The following KAZN variants were observed in gnomAD, a reference collection of about 807,000 sequenced individuals.
KAZN encodes the protein kazrin.
A neutral mutation model predicts 87.4 loss-of-function variants in KAZN; 40 were observed. The observed-to-expected ratio is 0.46, with a 90% confidence interval of 0.36 to 0.60. The LOEUF (loss-of-function observed/expected upper bound fraction) is 0.60, where lower values mean the gene tolerates loss of function less well. Ranked by LOEUF, KAZN falls within the 20% of genes least tolerant of loss-of-function variation. The pLI, the probability that KAZN is intolerant of heterozygous loss-of-function variation, is 0.00. For synonymous variants in KAZN, 466 were observed against 458.3 expected (o/e 1.02, Z -0.22); for missense variants, 898 against 1,073.9 (o/e 0.84, Z 2.29).
At position 15,104,024 on chromosome 1, in the gene KAZN, A is replaced by G; in HGVS notation, c.1883A>G (p.Glu628Gly). The part of the protein sequence containing the change: ...LKWVRDIDLK[E>G]YADNLTNSGV... Reference sequence around the variant, plus strand: ...CAAGTCCCCTGCCTTTGCCCCCAGGAGTACGCAGACAACCTGACCAACAGC... The same window carrying G: ...CAAGTCCCCTGCCTTTGCCCCCAGGGGTACGCAGACAACCTGACCAACAGC... The change falls in exon 13 of 15, where the codon GAG becomes GGG. Residue 628 changes from glutamate to glycine, a missense_variant and splice_region_variant. Transcript: ENST00000376030. The G allele has an allele frequency of 6.2e-7, 1 of 1,613,404 alleles. No individual in the cohort carries two copies. The highest frequency in any genetic ancestry group is 8.5e-7 in the Non-Finnish European group (1 of 1,179,662).
intron 2 of KAZN, among the ~76,000 whole-genome samples, chr1:14,343,201 C>T (rs1657869527): frequency 1.3e-5 from 2 of 152,106 alleles, no homozygotes; most frequent in African/African-American, 4.8e-5. Context: ...TGGCACATTT[C>T]ACATCCCACC....
chr1:14,359,253 TTTC>T (rs1659301437), intron 2 of KAZN, among the ~76,000 whole-genome samples: 1 of 152,096 alleles, frequency 6.6e-6, no homozygotes, highest in Non-Finnish European at 1.5e-5. Flanking sequence ...CTGCTTTTTT[TTTC>T]TTTTTTTTTC....
exon 1 of KAZN, chr1:13,892,929 G>C (rs930778076): frequency 6.6e-6 from 1 of 152,240 alleles, no homozygotes; most frequent in Non-Finnish European, 1.5e-5. Flanking sequence ...GCCACGCGAG[G>C]AGTGGGGAGC....
chr1:14,929,683 A>G, intron 1 of KAZN: 1 of 810,486 alleles, frequency 1.2e-6, no homozygotes, highest in Non-Finnish European at 1.5e-6. Context: ...TAAGGGCTGT[A>G]AACACTCCAG....
chr1:13,915,974 G>A lies in KAZN; in HGVS notation c.91+22218G>A, dbSNP rs553835808. Among the ~76,000 whole-genome samples the A allele has an allele frequency of 1.0e-3, 155 of 152,250 alleles. 3 individuals are homozygous for A. In the South Asian group the frequency reaches 0.019, roughly 19 times the overall value. On this transcript the variant is annotated intron_variant, in intron 1 of 16. Coordinates refer to the KAZN transcript ENST00000636203. ...GATCCAGGCTTTGAAAAAGACTGGT[G>A]TTAGGGAAGCATTGGTGGAAGCTGT...
chr1:14,745,464 A>C (rs549122005), intron 1 of KAZN, among the ~76,000 whole-genome samples: 69 of 152,244 alleles, frequency 4.5e-4, no homozygotes, highest in African/African-American at 1.6e-3. Context: ...AATGGGGGGA[A>C]GTGATTGCTG....
intron 2 of KAZN, among the ~76,000 whole-genome samples, chr1:14,375,140 G>C (rs1409064212): frequency 1.3e-5 from 2 of 152,092 alleles, no homozygotes; most frequent in Non-Finnish European, 2.9e-5. Context: ...TTGTATTTTA[G>C]CGTCTATTAA....
intron 1 of KAZN, among the ~76,000 whole-genome samples, chr1:14,695,508 A>ATTTTTTTTTTTTTTTTTTTTTTTTTTT (rs1230082930): frequency 1.2e-3 from 82 of 67,698 alleles, no homozygotes; most frequent in South Asian, 3.7e-3. Context: ...ACTACATTCC[A>ATTTTTTTTTTTTTTTTTTTTTTTTTTT]TCTTTTTTTT....
At chr1:14,922,503 A>G (rs111808439) in intron 1 of KAZN, among the ~76,000 whole-genome samples, 2,949 of 152,272 alleles carry the variant, frequency 0.019, 34 homozygotes, top group Non-Finnish European at 0.031. Context: ...AGCACCCAGC[A>G]CTTCCCATGC....
At chr1:15,013,881 G>A (rs1028376608) in intron 2 of KAZN, among the ~76,000 whole-genome samples, 2 of 152,124 alleles carry the variant, frequency 1.3e-5, no homozygotes, top group African/African-American at 4.8e-5. Context: ...TGGGGCAGGG[G>A]CATTTCAGGC....
chr1:14,040,772 T>TTAAAA (rs1335669518), intron 1 of KAZN, among the ~76,000 whole-genome samples: 7 of 147,388 alleles, frequency 4.7e-5, no homozygotes, highest in South Asian at 2.1e-4. Flanking sequence ...CTCAAAAAAA[T>TTAAAA]TAAAATAAAA....
In KAZN at chr1:14,599,042, G is replaced by C; in HGVS notation, c.45G>C (p.Ala15=). ...NKQLALRIDG[A]VQSASQEVTN... Reference sequence around the variant, plus strand: ...AGCTCGCGCTCCGCATCGATGGGGCGGTCCAGTCGGCCAGCCAGGAGGTGA... The same window carrying C: ...AGCTCGCGCTCCGCATCGATGGGGCCGTCCAGTCGGCCAGCCAGGAGGTGA... Residue 15 remains alanine, a synonymous_variant, in exon 1 of 15, where the codon GCG becomes GCC. Coordinates refer to ENST00000376030, the MANE Select transcript of KAZN (RefSeq NM_201628.3). The surrounding 1 kb of genome is among the most constrained non-coding windows in gnomAD (Gnocchi z 4.4). The C allele has an allele frequency of 6.4e-7, 1 of 1,568,316 alleles. No homozygotes were observed. Among genetic ancestry groups the C allele is most frequent in the Non-Finnish European group, 8.6e-7 (1 of 1,161,454 alleles).
intron 2 of KAZN, among the ~76,000 whole-genome samples, chr1:14,225,632 G>A (rs1288873152): frequency 6.6e-6 from 1 of 152,048 alleles, no homozygotes; most frequent in East Asian, 1.9e-4. Context: ...TATATTACAG[G>A]GTATAGTAAC....
chr1:15,042,704 C>T (rs945286136), intron 3 of KAZN, among the ~76,000 whole-genome samples: 3 of 152,216 alleles, frequency 2.0e-5, no homozygotes, highest in African/African-American at 7.2e-5. Flanking sequence ...AAGGCCATAG[C>T]TACAGCTCTG....
chr1:15,046,383 C>T (rs761686620), intron 4 of KAZN, among the ~76,000 whole-genome samples: 1 of 151,796 alleles, frequency 6.6e-6, no homozygotes, highest in African/African-American at 2.4e-5. Context: ...GGTCTTCATC[C>T]TCGTTGTCTT....
At chr1:14,294,454 A>G (rs1028440053) in intron 2 of KAZN, among the ~76,000 whole-genome samples, 3 of 152,002 alleles carry the variant, frequency 2.0e-5, no homozygotes, top group African/African-American at 7.2e-5. Flanking sequence ...AGCTCTGCAG[A>G]TGAAGCCCAT....
At chr1:14,523,283 C>A (rs370047372) in intron 2 of KAZN, among the ~76,000 whole-genome samples, 1 of 152,196 alleles carries the variant, frequency 6.6e-6, no homozygotes, top group Non-Finnish European at 1.5e-5. Context: ...AAGATTCTCT[C>A]GCTCTTCATG....
Position 14,392,540 on chromosome 1 carries a change from TC to T in KAZN, c.250-206439del, listed in dbSNP as rs144898363. Among the ~76,000 whole-genome samples, 448 of 152,186 alleles carry T rather than the reference TC, an allele frequency of 2.9e-3. 1 individual carries two copies. The highest frequency in any genetic ancestry group is 9.8e-3 in the African/African-American group (407 of 41,530). On this transcript the variant is annotated intron_variant, in intron 2 of 16. Coordinates refer to the KAZN transcript ENST00000636203. ...TAGCCTGGCAGGGTGTCTCTGCCCT[TC>T]CCCAAGCTTCCATCTGGCCATGATT...
chr1:14,074,110 T>C (rs1557453290), intron 1 of KAZN, among the ~76,000 whole-genome samples: 2 of 152,190 alleles, frequency 1.3e-5, no homozygotes, highest in Middle Eastern at 3.2e-3. Context: ...CCACACACTA[T>C]ATGTCTAAAT....
Sources: allele counts gnomAD v4.1 joint callset (sites outside exome capture counted in the v4.1 genomes callset), GRCh38; gene constraint gnomAD v4.1.1; non-coding constraint Gnocchi (gnomAD v3.1); transcripts MANE v1.5; gene names NCBI Gene and HGNC (gene_info 2026-07-23, HGNC 2026-07-21).